DYRK1A: variants seen among roughly 807,000 people sequenced by gnomAD.
DYRK1A encodes dual specificity tyrosine-phosphorylation-regulated kinase 1A.
In DYRK1A, 9 loss-of-function variants were observed where a neutral mutation model predicts 79.7. The ratio of observed to expected loss-of-function variants is 0.11; its 90% confidence interval spans 0.07 to 0.20. DYRK1A has a LOEUF of 0.20. DYRK1A is among the 10% of genes least tolerant of loss of function. The probability of loss-of-function intolerance (pLI) is 1.00; values close to 1 mark genes in which losing one functional copy is unlikely to be tolerated. For missense variants in DYRK1A, 622 were observed against 956.0 expected, an observed-to-expected ratio of 0.65 and a Z score of 4.61; for synonymous variants, 349 against 329.7, an observed-to-expected ratio of 1.06 and a Z score of -0.63.
At chr21:37,420,860 C>A (rs2050457015) in intron 2 of DYRK1A, among the ~76,000 whole-genome samples, 1 of 152,020 alleles carries the variant, frequency 6.6e-6, no homozygotes, top group African/African-American at 2.4e-5. Context: ...TCCTTGTTCC[C>A]AATATCCCTG....
At chr21:37,429,853 A>C (rs560054972) in intron 2 of DYRK1A, among the ~76,000 whole-genome samples, 1 of 152,242 alleles carries the variant, frequency 6.6e-6, no homozygotes, top group South Asian at 2.1e-4. Context: ...TTCCACTTAC[A>C]GGGGTAACCC....
At chr21:37,369,514 T>G (rs749442893) in intron 1 of DYRK1A, among the ~76,000 whole-genome samples, 30 of 152,252 alleles carry the variant, frequency 2.0e-4, no homozygotes, top group Admixed American at 1.0e-3. Context: ...TTATTTATAC[T>G]TCAAACCATG....
chr21:37,397,054 G>T (rs768307076), intron 1 of DYRK1A, among the ~76,000 whole-genome samples: 2 of 152,178 alleles, frequency 1.3e-5, no homozygotes, highest in African/African-American at 2.4e-5. Context: ...AGAGTAGGAG[G>T]TGCAGAGACA....
intron 2 of DYRK1A, among the ~76,000 whole-genome samples, chr21:37,453,652 A>G (rs908040306): frequency 6.6e-6 from 1 of 152,212 alleles, no homozygotes; most frequent in Non-Finnish European, 1.5e-5. Context: ...CTTCAGTTAC[A>G]TTTTAAGAGA....
At chr21:37,507,970 GTCA>G (rs998516797) in intron 11 of DYRK1A, among the ~76,000 whole-genome samples, 21 of 152,086 alleles carry the variant, frequency 1.4e-4, no homozygotes, top group African/African-American at 4.8e-4. Flanking sequence ...ATAAACTGAA[GTCA>G]TCATTTTCAC....
intron 2 of DYRK1A, among the ~76,000 whole-genome samples, chr21:37,428,634 A>C (rs945788586): frequency 6.6e-6 from 1 of 152,188 alleles, no homozygotes; most frequent in South Asian, 2.1e-4. Flanking sequence ...AAATAATTTC[A>C]CTCTAGGAAT....
intron 1 of DYRK1A, among the ~76,000 whole-genome samples, chr21:37,385,352 T>G (rs543073029): frequency 3.3e-5 from 5 of 152,320 alleles, no homozygotes; most frequent in African/African-American, 1.2e-4. Context: ...CATTTGAGAC[T>G]TAACCACAGA....
chr21:37,472,228 G>C (rs2052249775), intron 2 of DYRK1A, among the ~76,000 whole-genome samples: 1 of 152,198 alleles, frequency 6.6e-6, no homozygotes, highest in Non-Finnish European at 1.5e-5. Context: ...GTTTCACCTG[G>C]TTTGGGGAAT....
At chr21:37,400,320 C>T (rs1201402336) in intron 1 of DYRK1A, among the ~76,000 whole-genome samples, 6 of 152,156 alleles carry the variant, frequency 3.9e-5, no homozygotes, top group Non-Finnish European at 8.8e-5. Context: ...CTGCAAAGAC[C>T]TGTTTTTCCC....
rs572479684 is a variant in DYRK1A, at chr21:37,476,826, C to CA, written c.208-1382_208-1381insA. Among the ~76,000 whole-genome samples the CA allele has an allele frequency of 1.1e-4, 15 of 142,200 alleles. 1 individual carries two copies. The South Asian group carries it at 1.1e-3, about 10-fold the overall frequency. The allele number at this position is 142,200 out of a possible 152,430, so 93.3% of individuals were successfully genotyped here. A position where few individuals can be genotyped will look rare whatever the true frequency, so the allele number is the denominator to read the frequency against. On this transcript the variant is annotated intron_variant, in intron 3 of 11. Transcript: ENST00000647188. ...GTATAATCACCAAGGGTTCCCCCCCCCCCCAACCTTATTTGGAATTAAGAA... is the reference window on the plus strand; with the variant it reads ...GTATAATCACCAAGGGTTCCCCCCCCACCCCAACCTTATTTGGAATTAAGAA...
chr21:37,408,002 C>T (rs990372874), intron 1 of DYRK1A, among the ~76,000 whole-genome samples: 6 of 136,690 alleles, frequency 4.4e-5, no homozygotes, highest in African/African-American at 1.9e-4. Context: ...ACAATGAATG[C>T]TTCAAAAAAA....
intron 1 of DYRK1A, among the ~76,000 whole-genome samples, chr21:37,412,492 G>C (rs2050262372): frequency 6.6e-6 from 1 of 152,264 alleles, no homozygotes; most frequent in East Asian, 1.9e-4. Flanking sequence ...CCTGAATCAG[G>C]ATTTTTGGGA....
intron 8 of DYRK1A, among the ~76,000 whole-genome samples, chr21:37,494,215 A>G (rs1286035641): frequency 6.7e-6 from 1 of 150,048 alleles, no homozygotes; most frequent in Non-Finnish European, 1.5e-5. Context: ...TTCAACTTGA[A>G]CTGGTGAGCT....
intron 1 of DYRK1A, among the ~76,000 whole-genome samples, chr21:37,381,902 C>G (rs1024485531): frequency 1.3e-5 from 2 of 152,096 alleles, no homozygotes; most frequent in Non-Finnish European, 2.9e-5. Flanking sequence ...GTTTGGACAA[C>G]AGAACAAGAA....
chr21:37,406,743 A>ATATCTC (rs1217574540), intron 1 of DYRK1A, among the ~76,000 whole-genome samples: 1 of 148,328 alleles, frequency 6.7e-6, no homozygotes, highest in Non-Finnish European at 1.5e-5. Flanking sequence ...ATATCTCTAT[A>ATATCTC]TATCTCTATA....
At chr21:37,414,310 T>C (rs2050296845) in intron 1 of DYRK1A, among the ~76,000 whole-genome samples, 1 of 152,128 alleles carries the variant, frequency 6.6e-6, no homozygotes, top group Non-Finnish European at 1.5e-5. Context: ...AAGCAGTGGC[T>C]TAGTAGTCAG....
At chr21:37,457,384 C>G (rs1326584367) in intron 2 of DYRK1A, among the ~76,000 whole-genome samples, 1 of 152,124 alleles carries the variant, frequency 6.6e-6, no homozygotes, top group Admixed American at 6.5e-5. Flanking sequence ...CGTGTACCAC[C>G]ATGATCGCCT....
At chr21:37,434,216 C>G (rs1397484871) in intron 2 of DYRK1A, among the ~76,000 whole-genome samples, 1 of 152,144 alleles carries the variant, frequency 6.6e-6, no homozygotes, top group South Asian at 2.1e-4. Context: ...TTTACAAATG[C>G]TAGACGTCTT....
At chr21:37,506,680 G>A (rs1409261007) in intron 11 of DYRK1A, among the ~76,000 whole-genome samples, 4 of 152,042 alleles carry the variant, frequency 2.6e-5, no homozygotes, top group African/African-American at 2.4e-5. Context: ...TTGTTGTTTT[G>A]TTTGTTTTCT....
Sources: allele counts gnomAD v4.1 joint callset (sites outside exome capture counted in the v4.1 genomes callset), GRCh38; gene constraint gnomAD v4.1.1; transcripts MANE v1.5; gene names NCBI Gene and HGNC (gene_info 2026-07-23, HGNC 2026-07-21).